RANBP2: variants seen among roughly 807,000 people sequenced by gnomAD.
RANBP2 encodes RAN binding protein 2, also known as E3 SUMO-protein ligase RanBP2.
RANBP2 carries 57 observed loss-of-function variants against 303.6 expected under a neutral mutation model. That is an observed-to-expected ratio of 0.19 (90% CI 0.15 to 0.23). RANBP2 has a LOEUF of 0.23. Ranked by LOEUF, RANBP2 falls within the 10% of genes least tolerant of loss-of-function variation. RANBP2 has a pLI of 1.00. For missense variants in RANBP2, 3,138 were observed against 3,780.8 expected, an observed-to-expected ratio of 0.83 and a Z score of 4.46; for synonymous variants, 1,167 against 1,301.5, an observed-to-expected ratio of 0.90 and a Z score of 2.23.
the RANBP2 span, chr2:108,791,751 A>G: frequency 6.2e-7 from 1 of 1,605,780 alleles, no homozygotes; most frequent in East Asian, 2.2e-5. Flanking sequence ...AAATGATTAT[A>G]GAGTTAGTAC....
At chr2:109,680,385 A>T in the RANBP2 span, among the ~76,000 whole-genome samples, 221 of 151,672 alleles carry the variant, frequency 1.5e-3, no homozygotes, top group African/African-American at 4.9e-3. Flanking sequence ...AAAATAATAA[A>T]AAAAAAATTT....
At chr2:108,834,025 C>T in the RANBP2 span, among the ~76,000 whole-genome samples, 6 of 147,990 alleles carry the variant, frequency 4.1e-5, no homozygotes, top group East Asian at 8.0e-4. Flanking sequence ...GGATTACAGG[C>T]GTGAGCCACC....
chr2:109,725,367 C>T, the RANBP2 span, among the ~76,000 whole-genome samples: 1 of 152,212 alleles, frequency 6.6e-6, no homozygotes, highest in Non-Finnish European at 1.5e-5. Context: ...AGAGAAGGAG[C>T]TAGTGCCTGG....
chr2:109,594,558 A>G, the RANBP2 span: 2 of 151,368 alleles, frequency 1.3e-5, no homozygotes, highest in African/African-American at 4.9e-5. Context: ...TCTCCTCTGT[A>G]TACTACAGTG....
At chr2:108,967,443 C>A in the RANBP2 span, among the ~76,000 whole-genome samples, 1 of 152,136 alleles carries the variant, frequency 6.6e-6, no homozygotes, top group Admixed American at 6.5e-5. Context: ...GAAGGGGAAG[C>A]CTGCTGTTCT....
At chr2:108,975,725 T>C in the RANBP2 span, among the ~76,000 whole-genome samples, 7 of 152,132 alleles carry the variant, frequency 4.6e-5, no homozygotes, top group Non-Finnish European at 8.8e-5. Flanking sequence ...GGAAATGACA[T>C]GAGGACACAA....
At chr2:109,560,764 G>A in the RANBP2 span, among the ~76,000 whole-genome samples, 1 of 152,158 alleles carries the variant, frequency 6.6e-6, no homozygotes, top group Admixed American at 6.5e-5. Context: ...CTAGATGAAT[G>A]CAGTAACCAT....
At chr2:109,670,516 C>T in the RANBP2 span, among the ~76,000 whole-genome samples, 1 of 152,130 alleles carries the variant, frequency 6.6e-6, no homozygotes, top group Admixed American at 6.5e-5. Context: ...ATTAAGGGCA[C>T]TATCAGGGAC....
the RANBP2 span, among the ~76,000 whole-genome samples, chr2:109,137,249 T>G: frequency 1.3e-5 from 2 of 152,234 alleles, no homozygotes; most frequent in Non-Finnish European, 2.9e-5. Context: ...TTGTTTATTC[T>G]TCCATAGTCT....
the RANBP2 span, among the ~76,000 whole-genome samples, chr2:108,891,933 A>G: frequency 2.0e-5 from 3 of 152,130 alleles, no homozygotes; most frequent in East Asian, 1.9e-4. Flanking sequence ...CAGGTACCCA[A>G]GGTGGTGGAT....
At chr2:109,077,665 C>G in the RANBP2 span, among the ~76,000 whole-genome samples, 1 of 150,220 alleles carries the variant, frequency 6.7e-6, no homozygotes, top group South Asian at 2.1e-4. Context: ...AGATAGTTTT[C>G]GAAAGAGGAC....
At chr2:109,017,360 G>A in the RANBP2 span, among the ~76,000 whole-genome samples, 2 of 152,352 alleles carry the variant, frequency 1.3e-5, no homozygotes, top group South Asian at 2.1e-4. Flanking sequence ...TGGGCTTGGC[G>A]CCTGGGCAGC....
At chr2:108,868,108 G>T in the RANBP2 span, among the ~76,000 whole-genome samples, 1 of 152,164 alleles carries the variant, frequency 6.6e-6, no homozygotes. Context: ...TTGACAGCAT[G>T]TACTTTTAAA....
At chr2:108,820,240 C>T in the RANBP2 span, among the ~76,000 whole-genome samples, 1 of 151,752 alleles carries the variant, frequency 6.6e-6, no homozygotes, top group Non-Finnish European at 1.5e-5. Context: ...CGACCCCGTG[C>T]CTACAAAAAG....
At chr2:109,644,120 CA>C in the RANBP2 span, among the ~76,000 whole-genome samples, 1,408 of 97,062 alleles carry the variant, frequency 0.015, 63 homozygotes, top group East Asian at 0.16. Flanking sequence ...GACTCTGTCT[CA>C]AAAAAAAAAA....
At chr2:109,489,708 G>T in the RANBP2 span, among the ~76,000 whole-genome samples, 1 of 138,628 alleles carries the variant, frequency 7.2e-6, no homozygotes, top group African/African-American at 2.7e-5. Context: ...GGAAGAGAAA[G>T]GAAAACAAGT....
At chr2:109,279,143 G>A in the RANBP2 span, among the ~76,000 whole-genome samples, 3 of 152,206 alleles carry the variant, frequency 2.0e-5, no homozygotes, top group African/African-American at 4.8e-5. Context: ...ATGGGATATT[G>A]AGTAGTGGAC....
chr2:109,068,309 G>A, the RANBP2 span, among the ~76,000 whole-genome samples: 1 of 152,198 alleles, frequency 6.6e-6, no homozygotes, highest in Non-Finnish European at 1.5e-5. Context: ...TAGGCACCCA[G>A]TGGGCACAGG....
At chr2:109,161,176 C>A in the RANBP2 span, among the ~76,000 whole-genome samples, 1 of 152,172 alleles carries the variant, frequency 6.6e-6, no homozygotes, top group Non-Finnish European at 1.5e-5. Flanking sequence ...AAGACTGGTT[C>A]TTTCGGAACA....
Sources: gnomAD v4.1 joint callset for allele counts (sites outside exome capture counted in the v4.1 genomes callset) on GRCh38, gnomAD v4.1.1 for gene constraint, MANE v1.5 for transcripts, NCBI Gene and HGNC (gene_info 2026-07-23, HGNC 2026-07-21) for gene names.